GADL1: variants seen among roughly 807,000 people sequenced by gnomAD.
GADL1 encodes the protein acidic amino acid decarboxylase GADL1.
GADL1 carries 71 observed loss-of-function variants against 69.5 expected under a neutral mutation model. The ratio of observed to expected loss-of-function variants is 1.02; its 90% CI spans 0.84 to 1.25. The LOEUF (loss-of-function observed/expected upper bound fraction) is 1.25, where lower values mean the gene tolerates loss of function less well. Ranked by LOEUF, GADL1 falls within the 50% of genes most tolerant of loss-of-function variation. The pLI is 0.00. For missense variants in GADL1, 737 were observed against 631.8 expected, an observed-to-expected ratio of 1.17 and a Z score of -1.79; for synonymous variants, 254 against 214.4, an observed-to-expected ratio of 1.18 and a Z score of -1.62.
chr3:30,845,597 G>A (rs1038507060), intron 6 of GADL1, among the ~76,000 whole-genome samples: 7 of 152,054 alleles, frequency 4.6e-5, no homozygotes, highest in East Asian at 1.9e-4. Flanking sequence ...AAATGAAACC[G>A]TTCTAAATAA....
intron 14 of GADL1, among the ~76,000 whole-genome samples, chr3:30,761,728 A>G (rs1696139487): frequency 6.6e-6 from 1 of 152,020 alleles, no homozygotes; most frequent in African/African-American, 2.4e-5. Context: ...AGACAAAGTA[A>G]CATCATTAGA....
chr3:30,771,399 G>A (rs921354666), intron 14 of GADL1, among the ~76,000 whole-genome samples: 1 of 152,150 alleles, frequency 6.6e-6, no homozygotes, highest in African/African-American at 2.4e-5. Context: ...TTAATGGTTT[G>A]GGGAAAGAGC....
intron 14 of GADL1, among the ~76,000 whole-genome samples, chr3:30,735,252 C>T (rs948809411): frequency 2.6e-5 from 4 of 152,264 alleles, no homozygotes; most frequent in African/African-American, 9.6e-5. Context: ...AAATTTAGAA[C>T]ATTTTTCTTA....
At chr3:30,747,214 G>A (rs577687703) in intron 14 of GADL1, among the ~76,000 whole-genome samples, 16 of 152,276 alleles carry the variant, frequency 1.1e-4, no homozygotes, top group South Asian at 4.1e-4. Context: ...CCAAATGATC[G>A]TGAGAATACC....
chr3:30,796,800 A>G (rs1697041413), intron 12 of GADL1, among the ~76,000 whole-genome samples: 1 of 152,168 alleles, frequency 6.6e-6, no homozygotes, highest in African/African-American at 2.4e-5. Flanking sequence ...TAATACCTTG[A>G]GTTAATGTTT....
intron 8 of GADL1, among the ~76,000 whole-genome samples, chr3:30,842,437 T>TGAA (rs1697983453): frequency 6.6e-6 from 1 of 152,146 alleles, no homozygotes; most frequent in Admixed American, 6.6e-5. Flanking sequence ...AATGGGTATA[T>TGAA]GAAGCCTCAT....
chr3:30,862,697 C>T (rs759878224), intron 1 of GADL1, among the ~76,000 whole-genome samples: 88 of 151,988 alleles, frequency 5.8e-4, no homozygotes, highest in Non-Finnish European at 6.9e-4. Flanking sequence ...TAAGAGGGAT[C>T]ACCTGGTCAC....
intron 1 of GADL1, among the ~76,000 whole-genome samples, chr3:30,887,773 AAG>A: frequency 6.6e-6 from 1 of 152,336 alleles, no homozygotes; most frequent in African/African-American, 2.4e-5. Context: ...ATAGAAAAGA[AAG>A]AGAGAATCTA....
chr3:30,864,467 C>A (rs1698367014), intron 1 of GADL1, among the ~76,000 whole-genome samples: 2 of 151,864 alleles, frequency 1.3e-5, no homozygotes, highest in Non-Finnish European at 2.9e-5. Context: ...TCACTGTCTT[C>A]ACACCAATGA....
chr3:30,766,152 A>G lies in GADL1; in HGVS notation c.1392+12027T>C, dbSNP rs1024482174. Reference sequence around the variant, plus strand: ...CATCATTCCCCATTCAGAGGAAGAAACAAGTATATATCTGAGGCCTCCAGG... The same window carrying G: ...CATCATTCCCCATTCAGAGGAAGAAGCAAGTATATATCTGAGGCCTCCAGG... On this transcript the variant is annotated intron_variant, in intron 14 of 14. Transcript: ENST00000282538. Among the ~76,000 whole-genome samples, 3 of 152,220 alleles carry G rather than the reference A, an allele frequency of 2.0e-5. No homozygotes were observed. In the South Asian group the frequency reaches 6.2e-4, roughly 32 times the overall value.
intron 14 of GADL1, among the ~76,000 whole-genome samples, chr3:30,754,939 G>A (rs1695932768): frequency 6.6e-6 from 1 of 152,082 alleles, no homozygotes; most frequent in Middle Eastern, 3.4e-3. Flanking sequence ...GTCAAATATT[G>A]AAAAACCAAG....
rs1285622393 is a variant in GADL1 at position 30,786,396 on chromosome 3, C to G, written c.1261G>C (p.Asp421His). 1.4e-6 allele frequency: 2 copies of G among 1,471,964 alleles called. No individual in the cohort carries two copies. The highest frequency in any genetic ancestry group is 2.8e-5 in the African/African-American group (2 of 71,248). 91.2% of individuals were successfully genotyped at this position (1,471,964 alleles called of 1,614,324 possible). ...RALALSRYLV[D>H]EIKKREGFKL... is the part of the protein sequence containing the mutation. Reference sequence around the variant, plus strand: ...AATCCTTCTCTTTTCTTGATTTCATCTACTAGGTACCTAAAATTAAAAGTC... The same window carrying G: ...AATCCTTCTCTTTTCTTGATTTCATGTACTAGGTACCTAAAATTAAAAGTC... The change falls in exon 13 of 15, where the codon GAT (aspartate) becomes CAT (histidine). Residue 421 changes from aspartate to histidine, a missense_variant. Transcript: ENST00000282538.
chr3:30,736,591 G>GA lies in GADL1; in HGVS notation c.1393-8177dup, dbSNP rs1476699317. The stretch of plus-strand genomic sequence containing the variant: ...AGACATGAACATTTGCAAGTGCTAT[G>GA]AAAAACATGAAATAATTTATTTTCT... On this transcript the variant is annotated intron_variant, in intron 14 of 14. Coordinates refer to ENST00000282538, the MANE Select transcript of GADL1 (RefSeq NM_207359.3). Among the ~76,000 whole-genome samples, 4 of 152,052 alleles carry GA rather than the reference G, an allele frequency of 2.6e-5. No homozygotes were observed. In the East Asian group the frequency reaches 7.7e-4, roughly 29 times the overall value.
At chr3:30,818,166 A>G (rs4955337) in intron 11 of GADL1, among the ~76,000 whole-genome samples, 39,309 of 151,990 alleles carry the variant, frequency 0.26, 6,106 homozygotes, top group African/African-American at 0.41. Context: ...CAATTGGACC[A>G]GAGGCTAAGA....
At chr3:30,750,658 A>G (rs981591688) in intron 14 of GADL1, among the ~76,000 whole-genome samples, 6 of 151,574 alleles carry the variant, frequency 4.0e-5, no homozygotes, top group African/African-American at 1.5e-4. Flanking sequence ...TTTTTTTTTT[A>G]ACACAATTGC....
intron 8 of GADL1, among the ~76,000 whole-genome samples, chr3:30,839,375 G>A (rs553569542): frequency 6.6e-6 from 1 of 151,692 alleles, no homozygotes. Context: ...CATGTTTTTT[G>A]TAATGTTTTG....
At chr3:30,747,295 C>T (rs1345865725) in intron 14 of GADL1, among the ~76,000 whole-genome samples, 1 of 152,202 alleles carries the variant, frequency 6.6e-6, no homozygotes, top group East Asian at 1.9e-4. Context: ...TTCCAGGGAG[C>T]TGCCTCCAGA....
intron 14 of GADL1, among the ~76,000 whole-genome samples, chr3:30,758,560 T>G (rs981808037): frequency 6.6e-6 from 1 of 152,162 alleles, no homozygotes; most frequent in African/African-American, 2.4e-5. Context: ...CTAAATGAGA[T>G]CATATATGTA....
intron 14 of GADL1, among the ~76,000 whole-genome samples, chr3:30,756,820 C>T (rs1695986214): frequency 6.6e-6 from 1 of 152,180 alleles, no homozygotes; most frequent in African/African-American, 2.4e-5. Flanking sequence ...CTCTCTTACA[C>T]TTGCCAAGAC....
Sources: allele counts gnomAD v4.1 joint callset (sites outside exome capture counted in the v4.1 genomes callset), GRCh38; gene constraint gnomAD v4.1.1; transcripts MANE v1.5; gene names NCBI Gene and HGNC (gene_info 2026-07-23, HGNC 2026-07-21).